Variants in PLEKHA2 observed in about 807,000 individuals in gnomAD.
The protein encoded by PLEKHA2 is pleckstrin homology domain containing A2, also known as pleckstrin homology domain-containing family A member 2.
PLEKHA2 carries 28 observed loss-of-function variants against 53.2 expected under a neutral mutation model. That is an observed-to-expected ratio of 0.53 (90% CI 0.39 to 0.72). The LOEUF (loss-of-function observed/expected upper bound fraction) is 0.72. PLEKHA2 is among the 30% of genes least tolerant of loss of function. The pLI is 0.00. For missense variants in PLEKHA2, 426 were observed against 537.9 expected (o/e 0.79, Z 2.06); for synonymous variants, 193 against 196.4 (o/e 0.98, Z 0.14).
intron 1 of PLEKHA2, among the ~76,000 whole-genome samples, chr8:38,913,984 G>A (rs909077677): frequency 6.6e-6 from 1 of 152,130 alleles, no homozygotes; most frequent in African/African-American, 2.4e-5. Context: ...TTTGGGCAGG[G>A]GTGTGCCTCC....
At chr8:38,942,612 A>T (rs1045058294) in intron 3 of PLEKHA2, among the ~76,000 whole-genome samples, 1 of 152,190 alleles carries the variant, frequency 6.6e-6, no homozygotes, top group African/African-American at 2.4e-5. Context: ...CCTAGGACCC[A>T]TGGGAAGGTG....
At chr8:38,961,052 C>T (rs984913686) in intron 10 of PLEKHA2, 2 of 152,162 alleles carry the variant, frequency 1.3e-5, no homozygotes, top group Admixed American at 6.5e-5. Flanking sequence ...GATATCACCA[C>T]TAATATCATT....
rs1471066856 is a variant in PLEKHA2, at chr8:38,969,867, G to A, written c.*84G>A. 3 of 1,520,808 alleles carry A rather than the reference G, an allele frequency of 2.0e-6. No individual in the cohort carries two copies. Among genetic ancestry groups the A allele is most frequent in the Non-Finnish European group, 1.8e-6 (2 of 1,139,014 alleles). The allele number at this position is 1,520,808 out of a possible 1,614,324, so 94.2% of individuals were successfully genotyped here. On this transcript the variant is annotated 3_prime_UTR_variant, in exon 12 of 12. Transcript: ENST00000617275. ...GACTCAGTTTCTCTACCTTGTTGGA[G>A]GGTAGTCAGAGGCCTTTATGTCACT... is the stretch of plus-strand genomic sequence containing the variant.
chr8:38,937,313 C>G (rs116087936), intron 3 of PLEKHA2, among the ~76,000 whole-genome samples: 416 of 152,288 alleles, frequency 2.7e-3, no homozygotes, highest in African/African-American at 9.3e-3. Context: ...GCTGCCTCCC[C>G]GGGCCAGAGC....
At position 38,963,531 on chromosome 8, in the gene PLEKHA2, G is replaced by A. The variant is rs181416247; in HGVS notation, c.838-5061G>A. Among the ~76,000 whole-genome samples the A allele has an allele frequency of 1.0e-3, 159 of 152,210 alleles. 2 individuals carry two copies. The highest frequency in any genetic ancestry group is 1.8e-4 in the Non-Finnish European group (12 of 68,004). On this transcript the variant is annotated intron_variant, in intron 10 of 11. Coordinates refer to ENST00000617275, the MANE Select transcript of PLEKHA2 (RefSeq NM_021623.2). ...CATAATTTTTGCATACAATTTTGGA[G>A]TTTCATTGAGTTTTTGTTTCTCATG...
chr8:38,939,368 A>G (rs78504576), intron 3 of PLEKHA2, among the ~76,000 whole-genome samples: 10,639 of 152,288 alleles, frequency 0.07, 499 homozygotes, highest in East Asian at 0.19. Context: ...TGAGCCAATC[A>G]GGGCAGAACC....
At chr8:38,909,070 G>A (rs1833918928) in intron 1 of PLEKHA2, among the ~76,000 whole-genome samples, 1 of 151,974 alleles carries the variant, frequency 6.6e-6, no homozygotes, top group Non-Finnish European at 1.5e-5. Context: ...TTGAACCTGG[G>A]AGGCGGAGGT....
intron 2 of PLEKHA2, among the ~76,000 whole-genome samples, chr8:38,923,738 T>C (rs1834234291): frequency 6.6e-6 from 1 of 152,198 alleles, no homozygotes; most frequent in Non-Finnish European, 1.5e-5. Context: ...CCCCCCTTCA[T>C]AGAGGAGGTG....
intron 9 of PLEKHA2, among the ~76,000 whole-genome samples, chr8:38,953,653 G>A (rs1346678663): frequency 2.0e-5 from 3 of 152,160 alleles, no homozygotes. Context: ...AAAGAGTGGG[G>A]CTCCGAAGCT....
intron 10 of PLEKHA2, among the ~76,000 whole-genome samples, chr8:38,960,419 C>T (rs772695963): frequency 6.6e-6 from 1 of 152,022 alleles, no homozygotes; most frequent in African/African-American, 2.4e-5. Context: ...TTTGAAGTTG[C>T]AGTTAGCTAT....
At chr8:38,902,641 CTTTT>C (rs1383549339) in intron 1 of PLEKHA2, among the ~76,000 whole-genome samples, 19 of 152,160 alleles carry the variant, frequency 1.2e-4, no homozygotes, top group Non-Finnish European at 2.6e-4. Flanking sequence ...ATTTTCCCTT[CTTTT>C]GTCATTTTTT....
intron 1 of PLEKHA2, chr8:38,901,714 GC>G (rs1468683118): frequency 6.6e-6 from 1 of 151,744 alleles, no homozygotes; most frequent in Admixed American, 6.6e-5. Flanking sequence ...GGTCGCCGCC[GC>G]CAGGGGTCGG....
In PLEKHA2 at chr8:38,936,035, G is replaced by A; in HGVS notation, c.183G>A (p.Leu61=). ...CAGGAGCTGTTGGAGCTTTGCAGCTGACCTACATCTCGAAGGTAATGTTGA... is the reference window on the plus strand; with the variant it reads ...CAGGAGCTGTTGGAGCTTTGCAGCTAACCTACATCTCGAAGGTAATGTTGA... The part of the protein sequence containing the change: ...MGAGAVGALQ[L]TYISKVSIAT... The change falls in exon 3 of 12, where the codon CTG becomes CTA. Residue 61 remains leucine (L), a synonymous_variant. Transcript: ENST00000617275. The A allele has an allele frequency of 2.5e-6, 4 of 1,613,582 alleles. No homozygotes were observed. Among genetic ancestry groups the A allele is most frequent in the Non-Finnish European group, 3.4e-6 (4 of 1,179,590 alleles).
intron 3 of PLEKHA2, among the ~76,000 whole-genome samples, chr8:38,937,947 G>C (rs1834527476): frequency 6.6e-6 from 1 of 152,222 alleles, no homozygotes; most frequent in Non-Finnish European, 1.5e-5. Context: ...TCTGCTGAGG[G>C]CCAGTGATGG....
At chr8:38,918,623 A>G (rs1834121401) in intron 2 of PLEKHA2, among the ~76,000 whole-genome samples, 2 of 112,060 alleles carry the variant, frequency 1.8e-5, no homozygotes, top group Admixed American at 1.8e-4. Flanking sequence ...AGCCATACAC[A>G]CACACCACAC....
At chr8:38,923,696 A>G (rs1834233509) in intron 2 of PLEKHA2, among the ~76,000 whole-genome samples, 2 of 152,158 alleles carry the variant, frequency 1.3e-5, no homozygotes, top group Admixed American at 1.3e-4. Context: ...GTATTTGGGG[A>G]AACAGACAAT....
intron 8 of PLEKHA2, 77 bp from the exon 9 acceptor site, chr8:38,953,220 G>T (rs910190702): frequency 4.5e-6 from 5 of 1,121,116 alleles, no homozygotes; most frequent in Non-Finnish European, 6.8e-6. Flanking sequence ...TCTGAGAAAG[G>T]GGTATTGGTC....
In PLEKHA2 at chr8:38,970,352, A is replaced by G. The variant is rs111626511; in HGVS notation, c.*569A>G. Reference sequence around the variant, plus strand: ...TGCTTGCATGATCAGACCCTGTAATAGGATGAATTTCCATGCACTTAACAT... The same window carrying G: ...TGCTTGCATGATCAGACCCTGTAATGGGATGAATTTCCATGCACTTAACAT... On this transcript the variant is annotated 3_prime_UTR_variant, in exon 12 of 12. Transcript: ENST00000617275. 7.2e-4 allele frequency: 171 copies of G among 238,716 alleles called. 3 individuals are homozygous for G. The highest frequency in any genetic ancestry group is 3.7e-3 in the African/African-American group (167 of 44,644). The allele number at this position is 238,716 out of a possible 1,614,324, so 14.8% of individuals were successfully genotyped here.
chr8:38,947,871 A>C (rs1296471655), intron 5 of PLEKHA2, among the ~76,000 whole-genome samples: 2 of 151,802 alleles, frequency 1.3e-5, no homozygotes, highest in Non-Finnish European at 2.9e-5. Context: ...GGTGGATCAC[A>C]AGGTCAGGAG....
Sources: gnomAD v4.1 joint callset for allele counts (sites outside exome capture counted in the v4.1 genomes callset) on GRCh38, gnomAD v4.1.1 for gene constraint, MANE v1.5 for transcripts, NCBI Gene and HGNC (gene_info 2026-07-23, HGNC 2026-07-21) for gene names.